ZNF385D: variants seen among roughly 807,000 people sequenced by gnomAD.
The protein encoded by ZNF385D is zinc finger protein 659.
In ZNF385D, 15 loss-of-function variants were observed where a neutral mutation model predicts 35.8. The observed-to-expected ratio is 0.42, with a 90% CI of 0.28 to 0.64. The LOEUF (loss-of-function observed/expected upper bound fraction) is 0.64. Among genes scored for constraint, ZNF385D ranks in the 30% least tolerant of loss-of-function variants. ZNF385D has a pLI of 0.23. For synonymous variants in ZNF385D, 212 were observed against 186.8 expected, an observed-to-expected ratio of 1.13 and a Z score of -1.10; for missense variants, 474 against 494.6, an observed-to-expected ratio of 0.96 and a Z score of 0.39.
rs558004273 is a variant in ZNF385D at position 21,838,594 on chromosome 3, G to C, written c.326-173566C>G. The stretch of plus-strand genomic sequence containing the variant: ...GGCTTTGAGTGTCAATTGTCAAAGT[G>C]ATGGAAAAGAGAAGTTCTGGAAGGT... On this transcript the variant is annotated intron_variant, in intron 3 of 5. Coordinates refer to the ZNF385D transcript ENST00000494108. 2.0e-5 allele frequency among the ~76,000 whole-genome samples: 3 copies of C among 152,202 alleles called. No individual in the cohort carries two copies. In the South Asian group the frequency reaches 6.2e-4, roughly 32 times the overall value.
At chr3:21,848,427 A>T (rs1696155077) in intron 3 of ZNF385D, among the ~76,000 whole-genome samples, 2 of 151,964 alleles carry the variant, frequency 1.3e-5, no homozygotes, top group South Asian at 4.1e-4. Context: ...ATGAAATAGA[A>T]AATAGAAAAA....
At chr3:21,691,323 A>AT (rs1221651732) in intron 1 of ZNF385D, among the ~76,000 whole-genome samples, 1 of 151,946 alleles carries the variant, frequency 6.6e-6, no homozygotes, top group East Asian at 1.9e-4. Context: ...CTACTTGGCA[A>AT]TTTTTTTATT....
chr3:22,305,679 G>T (rs956722326), intron 2 of ZNF385D, among the ~76,000 whole-genome samples: 7 of 152,100 alleles, frequency 4.6e-5, no homozygotes, highest in African/African-American at 1.7e-4. Context: ...TCCTTCATTG[G>T]CCTAAGCAAG....
intron 1 of ZNF385D, among the ~76,000 whole-genome samples, chr3:21,665,609 A>G (rs1559501424): frequency 6.6e-6 from 1 of 152,172 alleles, no homozygotes; most frequent in East Asian, 1.9e-4. Flanking sequence ...TGAACTATTC[A>G]GCACCCCTAC....
intron 3 of ZNF385D, among the ~76,000 whole-genome samples, chr3:21,804,078 T>A (rs2072526697): frequency 6.6e-6 from 1 of 152,216 alleles, no homozygotes; most frequent in African/African-American, 2.4e-5. Context: ...TGTAAATTAT[T>A]TCAGTTGAGA....
chr3:21,446,138 T>G (rs181688686), intron 4 of ZNF385D, among the ~76,000 whole-genome samples: 5 of 152,338 alleles, frequency 3.3e-5, no homozygotes. Context: ...TTTGCATTTC[T>G]AACAAGTTCC....
chr3:22,037,124 G>A (rs1214005313), intron 3 of ZNF385D, among the ~76,000 whole-genome samples: 1 of 151,944 alleles, frequency 6.6e-6, no homozygotes, highest in African/African-American at 2.4e-5. Context: ...TTGGGTATTT[G>A]GGTTGGTTCC....
At chr3:21,953,431 C>T (rs1702153569) in intron 3 of ZNF385D, among the ~76,000 whole-genome samples, 1 of 151,806 alleles carries the variant, frequency 6.6e-6, no homozygotes, top group South Asian at 2.1e-4. Flanking sequence ...GACTATATTC[C>T]TTATGCTATA....
At chr3:22,003,853 C>A (rs1185810453) in intron 3 of ZNF385D, among the ~76,000 whole-genome samples, 3 of 148,510 alleles carry the variant, frequency 2.0e-5, no homozygotes, top group African/African-American at 7.5e-5. Flanking sequence ...GGCAACAAAG[C>A]AAGACTCCAT....
chr3:21,518,491 G>A (rs775104897), intron 3 of ZNF385D, among the ~76,000 whole-genome samples: 3 of 151,890 alleles, frequency 2.0e-5, no homozygotes, highest in Non-Finnish European at 4.4e-5. Flanking sequence ...AGTTTGCAAG[G>A]GCTAGAGGAA....
intron 3 of ZNF385D, among the ~76,000 whole-genome samples, chr3:21,930,318 A>C (rs2125244940): frequency 6.6e-6 from 1 of 152,020 alleles, no homozygotes; most frequent in Non-Finnish European, 1.5e-5. Flanking sequence ...ATTTAAACAT[A>C]ACAACCAAAT....
At chr3:21,895,947 A>C (rs1365870929) in intron 3 of ZNF385D, among the ~76,000 whole-genome samples, 1 of 152,174 alleles carries the variant, frequency 6.6e-6, no homozygotes, top group African/African-American at 2.4e-5. Context: ...GAACTTTTTA[A>C]AATGTCAAAT....
intron 3 of ZNF385D, among the ~76,000 whole-genome samples, chr3:21,911,688 C>T (rs1699972406): frequency 6.6e-6 from 1 of 151,760 alleles, no homozygotes; most frequent in Admixed American, 6.6e-5. Flanking sequence ...ACATTAAAAG[C>T]CATTAAATAA....
intron 3 of ZNF385D, among the ~76,000 whole-genome samples, chr3:21,800,405 T>C (rs925395690): frequency 6.6e-6 from 1 of 152,164 alleles, no homozygotes; most frequent in Non-Finnish European, 1.5e-5. Context: ...TTTACTTAAG[T>C]CTTCTTTAAA....
At chr3:21,963,534 T>A (rs1702713213) in intron 3 of ZNF385D, among the ~76,000 whole-genome samples, 1 of 152,340 alleles carries the variant, frequency 6.6e-6, no homozygotes, top group Admixed American at 6.5e-5. Flanking sequence ...GATCTCAATC[T>A]ATATTCTGAA....
chr3:21,993,465 G>C (rs963070133), intron 3 of ZNF385D, among the ~76,000 whole-genome samples: 2 of 152,102 alleles, frequency 1.3e-5, no homozygotes, highest in African/African-American at 2.4e-5. Context: ...TTCAAAAGTA[G>C]TGAAAAGTCT....
chr3:22,168,978 T>C (rs990113467), exon 3 of ZNF385D: 15 of 985,738 alleles, frequency 1.5e-5, no homozygotes, highest in Non-Finnish European at 1.7e-5. Flanking sequence ...TGGTTTTTCT[T>C]CAAAGTCATC....
At chr3:22,028,243 A>G (rs970093948) in intron 3 of ZNF385D, among the ~76,000 whole-genome samples, 1 of 152,210 alleles carries the variant, frequency 6.6e-6, no homozygotes, top group Non-Finnish European at 1.5e-5. Context: ...TGACCTCAGC[A>G]GAAGAGAATT....
chr3:22,010,872 T>C (rs1696528943), intron 3 of ZNF385D, among the ~76,000 whole-genome samples: 1 of 152,178 alleles, frequency 6.6e-6, no homozygotes, highest in African/African-American at 2.4e-5. Flanking sequence ...CAATAAATTA[T>C]GTCTGCAATT....
Sources: gnomAD v4.1 joint callset for allele counts (sites outside exome capture counted in the v4.1 genomes callset) on GRCh38, gnomAD v4.1.1 for gene constraint, MANE v1.5 for transcripts, NCBI Gene and HGNC (gene_info 2026-07-23, HGNC 2026-07-21) for gene names.